FRYL: variants seen among roughly 807,000 people sequenced by gnomAD.
FRYL encodes protein furry homolog-like.
FRYL carries 150 observed loss-of-function variants against 351.2 expected under a neutral mutation model. The observed-to-expected ratio is 0.43, with a 90% CI of 0.37 to 0.49. The LOEUF (loss-of-function observed/expected upper bound fraction) is 0.49, where lower values mean the gene tolerates loss of function less well. FRYL is among the 20% of genes least tolerant of loss of function. FRYL has a pLI of 0.00. For missense variants in FRYL, 3,036 were observed against 3,619.3 expected, an observed-to-expected ratio of 0.84 and a Z score of 4.13; for synonymous variants, 1,153 against 1,257.1, an observed-to-expected ratio of 0.92 and a Z score of 1.75.
In FRYL at chr4:48,699,574, G is replaced by A. The variant is rs376545301; in HGVS notation, c.-204+10945C>T. Among the ~76,000 whole-genome samples, 11 of 152,270 alleles carry A rather than the reference G, an allele frequency of 7.2e-5. No homozygotes were observed. The East Asian group carries it at 1.4e-3, about 19-fold the overall frequency. On this transcript the variant is annotated intron_variant, in intron 2 of 63. Transcript: ENST00000358350. ...CTAAAATACATGCTTCTCAAAGATG[G>A]ATGCTAACAATTTAAACAAGGTGCT...
rs758838416 is a variant in FRYL, at chr4:48,534,686, C to T, written c.6565-1G>A. 6.6e-7 allele frequency: 1 copy of T among 1,509,216 alleles called. No homozygotes were observed. Among genetic ancestry groups the T allele is most frequent in the South Asian group, 1.2e-5 (1 of 84,182 alleles). The allele number at this position is 1,509,216 out of a possible 1,614,324, so 93.5% of individuals were successfully genotyped here. The stretch of plus-strand genomic sequence containing the variant: ...TACTGGACAATCCTTTCTCTAACAG[C>T]TAAAAATAATGTTAAAAGTAATATT... On this transcript the variant is annotated splice_acceptor_variant, in intron 48 of 63. Coordinates refer to ENST00000358350, the MANE Select transcript of FRYL (RefSeq NM_015030.2). LOFTEE classifies it high-confidence loss of function.
chr4:48,620,892 A>C, intron 5 of FRYL, 114 bp from the exon 6 acceptor site: 1 of 916,088 alleles, frequency 1.1e-6, no homozygotes. Flanking sequence ...AATGCAATAA[A>C]TGTGCTTTAA....
chr4:48,711,096 G>A (rs1052804524), intron 1 of FRYL, among the ~76,000 whole-genome samples: 6 of 152,176 alleles, frequency 3.9e-5, no homozygotes, highest in African/African-American at 7.2e-5. Flanking sequence ...CAAGATGGCC[G>A]AATAGGAACA....
chr4:48,710,784 CT>C, intron 1 of FRYL, 86 bp from the exon 2 acceptor site: 1 of 391,354 alleles, frequency 2.6e-6, no homozygotes, highest in Non-Finnish European at 4.5e-6. Context: ...CCGTATATCA[CT>C]AATCAAAAGT....
chr4:48,603,452 T>C (rs1376851898), intron 11 of FRYL, 64 bp from the exon 12 acceptor site: 5 of 1,043,356 alleles, frequency 4.8e-6, no homozygotes, highest in African/African-American at 1.6e-5. Flanking sequence ...ATACAAAGAA[T>C]ACAAGAACTT....
chr4:48,668,668 CCACT>C (rs1361230451), intron 3 of FRYL, among the ~76,000 whole-genome samples: 1 of 152,196 alleles, frequency 6.6e-6, no homozygotes, highest in Non-Finnish European at 1.5e-5. Flanking sequence ...AGTCCTCAAC[CCACT>C]ATCTGGTAAA....
intron 1 of FRYL, among the ~76,000 whole-genome samples, chr4:48,771,162 T>C (rs1268364360): frequency 2.6e-5 from 4 of 152,048 alleles, no homozygotes. Context: ...AATGAAAAAA[T>C]GCATGACAAA....
Position 48,499,655 on chromosome 4 carries a change from C to T in FRYL, c.8809G>A (p.Gly2937Ser). Residue 2937 changes from glycine (G) to serine (S), a missense_variant, in exon 64 of 64, where the codon GGC becomes AGC. Coordinates refer to ENST00000358350, the MANE Select transcript of FRYL (RefSeq NM_015030.2). The stretch of plus-strand genomic sequence containing the variant: ...TGTACAGGGTCATCTTCACAACTGC[C>T]AAAGATATCACTGGGCCAGAGAGAT... The part of the protein sequence containing the change: ...FRSLWPSDIF[G>S]SCEDDPVQTL... 6.2e-7 allele frequency: 1 copy of T among 1,613,912 alleles called. No homozygotes were observed. The highest frequency in any genetic ancestry group is 8.5e-7 in the Non-Finnish European group (1 of 1,179,890).
chr4:48,629,011 TAATATTATAATTATAA>T (rs1320235868), intron 4 of FRYL, among the ~76,000 whole-genome samples: 6 of 149,370 alleles, frequency 4.0e-5, no homozygotes, highest in Admixed American at 3.4e-4. Context: ...AAAGTTATAG[TAATATTATAATTATAA>T]AATATTATAA....
intron 1 of FRYL, among the ~76,000 whole-genome samples, chr4:48,716,447 C>A (rs535360866): frequency 6.6e-6 from 1 of 151,518 alleles, no homozygotes; most frequent in Admixed American, 6.6e-5. Context: ...CAAACAACCC[C>A]GTCAGAAAGT....
intron 2 of FRYL, among the ~76,000 whole-genome samples, chr4:48,688,115 G>T (rs544559412): frequency 5.9e-5 from 9 of 152,236 alleles, no homozygotes; most frequent in Non-Finnish European, 1.0e-4. Flanking sequence ...AGGGTGTGGT[G>T]ACTTAGAAAT....
At chr4:48,693,455 T>C (rs1765851863) in intron 2 of FRYL, among the ~76,000 whole-genome samples, 2 of 152,104 alleles carry the variant, frequency 1.3e-5, no homozygotes, top group Admixed American at 1.3e-4. Flanking sequence ...AGCTGAGGAA[T>C]GGGCACCTGA....
At chr4:48,632,594 T>A (rs1753455350) in intron 4 of FRYL, among the ~76,000 whole-genome samples, 2 of 151,020 alleles carry the variant, frequency 1.3e-5, no homozygotes, top group Non-Finnish European at 3.0e-5. Flanking sequence ...TTATACAATA[T>A]ACACAAAAAA....
chr4:48,517,006 T>TA (rs1156714155), intron 55 of FRYL, among the ~76,000 whole-genome samples: 1 of 152,164 alleles, frequency 6.6e-6, no homozygotes, highest in Non-Finnish European at 1.5e-5. Flanking sequence ...ACAAAGTGTG[T>TA]AAGAGAACAC....
chr4:48,576,684 G>A (rs1187980035), intron 23 of FRYL, among the ~76,000 whole-genome samples: 1 of 152,018 alleles, frequency 6.6e-6, no homozygotes, highest in Non-Finnish European at 1.5e-5. Flanking sequence ...AATGAATAAA[G>A]TAATGGATTA....
intron 36 of FRYL, among the ~76,000 whole-genome samples, chr4:48,552,273 G>A (rs924340203): frequency 2.1e-5 from 3 of 144,708 alleles, no homozygotes; most frequent in Admixed American, 1.4e-4. Context: ...GTGTGTGTGT[G>A]TGTGTGTGTG....
At chr4:48,716,480 C>T (rs879268533) in intron 1 of FRYL, among the ~76,000 whole-genome samples, 37 of 151,774 alleles carry the variant, frequency 2.4e-4, no homozygotes, top group South Asian at 6.3e-4. Context: ...TGAACAGACA[C>T]TTCTCAAAAG....
chr4:48,614,815 C>CTTTTTTT (rs369399363), intron 7 of FRYL, among the ~76,000 whole-genome samples: 1 of 67,930 alleles, frequency 1.5e-5, no homozygotes, highest in African/African-American at 6.0e-5. Context: ...AAGTTTAATG[C>CTTTTTTT]TTTTTTTTTT....
chr4:48,649,623 G>T (rs1033574975), intron 3 of FRYL, among the ~76,000 whole-genome samples: 19 of 152,126 alleles, frequency 1.2e-4, no homozygotes, highest in African/African-American at 4.6e-4. Flanking sequence ...CGACACAGCT[G>T]GTTTAACAGA....
Sources: gnomAD v4.1 joint callset for allele counts (sites outside exome capture counted in the v4.1 genomes callset) on GRCh38, gnomAD v4.1.1 for gene constraint, MANE v1.5 for transcripts, NCBI Gene and HGNC (gene_info 2026-07-23, HGNC 2026-07-21) for gene names.